KALRN: variants seen among roughly 807,000 people sequenced by gnomAD.
KALRN encodes the protein kalirin.
In KALRN, 70 loss-of-function variants were observed where a neutral mutation model predicts 353.7. The observed-to-expected ratio is 0.20, with a 90% CI of 0.16 to 0.24. The LOEUF is 0.24. Ranked by LOEUF, KALRN falls within the 10% of genes least tolerant of loss-of-function variation. The probability of loss-of-function intolerance (pLI) is 1.00; values close to 1 mark genes in which losing one functional copy is unlikely to be tolerated. For synonymous variants in KALRN, 1,391 were observed against 1,434.8 expected, an observed-to-expected ratio of 0.97 and a Z score of 0.69; for missense variants, 2,791 against 3,756.7, an observed-to-expected ratio of 0.74 and a Z score of 6.72.
intron 1 of KALRN, among the ~76,000 whole-genome samples, chr3:124,124,614 T>C (rs2064414312): frequency 6.6e-6 from 1 of 152,002 alleles, no homozygotes; most frequent in African/African-American, 2.4e-5. Context: ...AAAGGAAGAG[T>C]CAATCAATGT....
chr3:124,047,039 T>C (rs529510961), intron 1 of KALRN, among the ~76,000 whole-genome samples: 2 of 151,044 alleles, frequency 1.3e-5, no homozygotes, highest in African/African-American at 4.8e-5. Flanking sequence ...AAAAGACCTA[T>C]GAAGTCAACG....
At chr3:124,717,558 T>G (rs2063201975) in intron 59 of KALRN, among the ~76,000 whole-genome samples, 173 bp downstream of exon 59, 1 of 151,538 alleles carries the variant, frequency 6.6e-6, no homozygotes. Context: ...TAGCCAGGAG[T>G]GGTGGTGGGC....
intron 1 of KALRN, among the ~76,000 whole-genome samples, chr3:124,131,371 A>G (rs1032001216): frequency 1.3e-5 from 2 of 152,216 alleles, no homozygotes; most frequent in East Asian, 1.9e-4. Context: ...TTCAAGGAGT[A>G]TATGAAATAG....
At position 124,661,860 on chromosome 3, in the gene KALRN, G is replaced by T; in HGVS notation, c.6277G>T (p.Glu2093Ter). 2 of 1,613,962 alleles carry T rather than the reference G, an allele frequency of 1.2e-6. No individual in the cohort carries two copies. The highest frequency in any genetic ancestry group is 1.7e-6 in the Non-Finnish European group (2 of 1,179,822). Residue 2093 changes from glutamate (E) to a stop codon, truncating the protein, a stop_gained, in exon 45 of 60, where the codon GAG becomes TAG. Coordinates refer to ENST00000682506, the MANE Select transcript of KALRN (RefSeq NM_001388419.1). LOFTEE classifies it high-confidence loss of function. Reference protein sequence around the residue: ...LECSDIEKAVELMCLVPKRCN... With the variant: ...LECSDIEKAV Reference sequence around the variant, plus strand: ...TTGTTCTTTCCCACAGAAAGCAGTGGAGTTAATGTGCCTTGTTCCCAAACG... The same window carrying T: ...TTGTTCTTTCCCACAGAAAGCAGTGTAGTTAATGTGCCTTGTTCCCAAACG...
At chr3:124,083,302 A>G (rs1044065621) in intron 1 of KALRN, among the ~76,000 whole-genome samples, 1 of 152,156 alleles carries the variant, frequency 6.6e-6, no homozygotes, top group Non-Finnish European at 1.5e-5. Flanking sequence ...GGACATTAAT[A>G]TGGTGTTGAA....
chr3:124,077,659 A>G (rs2060323027), intron 1 of KALRN, among the ~76,000 whole-genome samples: 1 of 152,166 alleles, frequency 6.6e-6, no homozygotes, highest in African/African-American at 2.4e-5. Context: ...ATGATACAAC[A>G]TTGGTACTAT....
chr3:124,351,389 C>G (rs1345892638), intron 10 of KALRN, among the ~76,000 whole-genome samples: 2 of 152,144 alleles, frequency 1.3e-5, no homozygotes, highest in Non-Finnish European at 2.9e-5. Context: ...GTGAAGGGAC[C>G]TCTTTTAGCC....
At chr3:124,123,631 A>T (rs922465139) in intron 1 of KALRN, among the ~76,000 whole-genome samples, 2 of 152,254 alleles carry the variant, frequency 1.3e-5, no homozygotes, top group African/African-American at 2.4e-5. Flanking sequence ...TACACCAAAC[A>T]ACAGATTTTC....
rs751497689 is a variant in KALRN, at chr3:124,446,862, G to A, written c.3529G>A (p.Gly1177Arg). ...GACTCAGGAACTGCTGAAAGAATAT[G>A]GGGAATTCAGGGTGCCTGCCAAGGT... The part of the protein sequence containing the change: ...EETQELLKEY[G>R]EFRVPAKQTK... The change falls in exon 21 of 60, where the codon GGG (glycine) becomes AGG (arginine). Residue 1177 changes from glycine to arginine, a missense_variant. Physicochemically the swap from Gly to Arg is moderately radical, Grantham distance 125. Coordinates refer to ENST00000682506, the MANE Select transcript of KALRN (RefSeq NM_001388419.1). 1.2e-6 allele frequency: 2 copies of A among 1,614,038 alleles called. No individual in the cohort carries two copies. Among genetic ancestry groups the A allele is most frequent in the Admixed American group, 1.7e-5 (1 of 60,004 alleles).
At chr3:124,516,753 A>C (rs1373356449) in intron 33 of KALRN, among the ~76,000 whole-genome samples, 6 of 151,118 alleles carry the variant, frequency 4.0e-5, no homozygotes, top group African/African-American at 1.5e-4. Context: ...ACACAGAAAA[A>C]ATGTGATTTA....
intron 13 of KALRN, among the ~76,000 whole-genome samples, chr3:124,411,200 G>C (rs1359843604): frequency 2.6e-5 from 4 of 152,082 alleles, no homozygotes; most frequent in Admixed American, 1.3e-4. Context: ...GGGTTGGGAA[G>C]GGGAGGGATG....
chr3:124,260,353 A>G (rs1040078930), intron 3 of KALRN, among the ~76,000 whole-genome samples: 1 of 152,078 alleles, frequency 6.6e-6, no homozygotes. Context: ...ACCAGCCTCC[A>G]CTCATGCTCT....
At chr3:124,461,781 A>G in intron 23 of KALRN, 109 bp from the exon 24 acceptor site, 1 of 773,400 alleles carries the variant, frequency 1.3e-6, no homozygotes, top group Non-Finnish European at 2.2e-6. Flanking sequence ...ATGAAGTAGA[A>G]AAATAAGACA....
At chr3:124,561,985 G>A (rs1701335541) in intron 33 of KALRN, among the ~76,000 whole-genome samples, 1 of 152,246 alleles carries the variant, frequency 6.6e-6, no homozygotes, top group Admixed American at 6.5e-5. Context: ...CATTCAGCCA[G>A]TAGGGGTTGT....
intron 5 of KALRN, among the ~76,000 whole-genome samples, chr3:124,287,073 G>A (rs1380559677): frequency 5.9e-5 from 9 of 152,104 alleles, no homozygotes; most frequent in Admixed American, 4.6e-4. Context: ...TAATCCTAGT[G>A]TATAGCCCTT....
chr3:124,098,519 T>G (rs994714603), intron 1 of KALRN, among the ~76,000 whole-genome samples: 2 of 152,218 alleles, frequency 1.3e-5, no homozygotes, highest in African/African-American at 2.4e-5. Context: ...GTCCCTTGTG[T>G]TCTTTCAAGG....
chr3:124,443,332 C>T (rs916356162), intron 19 of KALRN, among the ~76,000 whole-genome samples: 1 of 152,146 alleles, frequency 6.6e-6, no homozygotes, highest in Non-Finnish European at 1.5e-5. Flanking sequence ...GAACCCAAGC[C>T]GACTTGGAGT....
At chr3:124,111,244 CAT>C (rs2062942852) in intron 1 of KALRN, among the ~76,000 whole-genome samples, 1 of 152,196 alleles carries the variant, frequency 6.6e-6, no homozygotes. Flanking sequence ...GCCGTAACTC[CAT>C]ATGTTACATG....
intron 1 of KALRN, among the ~76,000 whole-genome samples, chr3:124,147,206 C>T (rs1457877746): frequency 6.6e-6 from 1 of 152,110 alleles, no homozygotes; most frequent in African/African-American, 2.4e-5. Context: ...TTATAACTCC[C>T]CACCCCATGC....
Sources: allele counts gnomAD v4.1 joint callset (sites outside exome capture counted in the v4.1 genomes callset), GRCh38; gene constraint gnomAD v4.1.1; transcripts MANE v1.5; gene names NCBI Gene and HGNC (gene_info 2026-07-23, HGNC 2026-07-21).